CTNND1: variants seen among roughly 807,000 people sequenced by gnomAD.
CTNND1 encodes catenin delta-1.
In CTNND1, 16 loss-of-function variants were observed where a neutral mutation model predicts 112.1. The observed-to-expected ratio is 0.14, with a 90% CI of 0.10 to 0.22. The LOEUF (loss-of-function observed/expected upper bound fraction) is 0.22. Ranked by LOEUF, CTNND1 falls within the 10% of genes least tolerant of loss-of-function variation. CTNND1 has a pLI of 1.00. For synonymous variants in CTNND1, 420 were observed against 446.5 expected, an observed-to-expected ratio of 0.94 and a Z score of 0.75; for missense variants, 1,008 against 1,257.0, an observed-to-expected ratio of 0.80 and a Z score of 3.00.
At chr11:57,798,347 A>T (rs11229134) in intron 6 of CTNND1, among the ~76,000 whole-genome samples, 98 of 107,566 alleles carry the variant, frequency 9.1e-4, no homozygotes, top group Non-Finnish European at 8.3e-4. Flanking sequence ...ACTGTCTCAA[A>T]AAAAAAAAAA....
At chr11:57,794,313 C>A (rs528038934) in intron 4 of CTNND1, among the ~76,000 whole-genome samples, 1 of 152,260 alleles carries the variant, frequency 6.6e-6, no homozygotes, top group African/African-American at 2.4e-5. Flanking sequence ...TCCCCACTGC[C>A]ACCCCATTTG....
At chr11:57,799,104 CA>C (rs1485113354) in intron 6 of CTNND1, among the ~76,000 whole-genome samples, 4 of 152,158 alleles carry the variant, frequency 2.6e-5, no homozygotes, top group Admixed American at 2.6e-4. Context: ...GGGCTGGGCC[CA>C]GGGGTAGAGG....
chr11:57,776,276 G>A (rs921197865), intron 1 of CTNND1, among the ~76,000 whole-genome samples: 2 of 152,106 alleles, frequency 1.3e-5, no homozygotes, highest in Admixed American at 6.6e-5. Context: ...GAAACAGCTG[G>A]TGCCTTCATC....
intron 1 of CTNND1, among the ~76,000 whole-genome samples, chr11:57,779,562 G>GCTA (rs1333801546): frequency 6.6e-6 from 1 of 152,214 alleles, no homozygotes; most frequent in Non-Finnish European, 1.5e-5. Flanking sequence ...GAGGCAGATT[G>GCTA]CTAACATACC....
intron 1 of CTNND1, among the ~76,000 whole-genome samples, chr11:57,769,425 C>G (rs1952006931): frequency 6.6e-6 from 1 of 152,168 alleles, no homozygotes; most frequent in South Asian, 2.1e-4. Flanking sequence ...GCTGGGACTA[C>G]AGGCACACAC....
chr11:57,810,087 A>G (rs1361076546), intron 15 of CTNND1, 22 bp from the exon 16 acceptor site: 3 of 1,557,842 alleles, frequency 1.9e-6, no homozygotes, highest in Admixed American at 3.8e-5. Context: ...CAAATTCCGT[A>G]TGGTGTTACT....
intron 2 of CTNND1, 106 bp from the exon 3 acceptor site, chr11:57,791,279 C>T: frequency 2.1e-6 from 2 of 972,200 alleles, no homozygotes; most frequent in Non-Finnish European, 2.7e-6. Flanking sequence ...GCTTTCTGCA[C>T]TGCAGTAAAA....
At position 57,817,717 on chromosome 11, in the gene CTNND1, T is replaced by G. The variant is rs2064053910; in HGVS notation, c.*1409T>G. On this transcript the variant is annotated 3_prime_UTR_variant, in exon 21 of 21. Coordinates refer to ENST00000399050, the MANE Select transcript of CTNND1 (RefSeq NM_001085458.2). ...GGTGCCCAGAATTTACCATCATCTCTGAAGGAGTTACAGGGAAGTGGTCTC... is the reference window on the plus strand; with the variant it reads ...GGTGCCCAGAATTTACCATCATCTCGGAAGGAGTTACAGGGAAGTGGTCTC... 1 of 152,754 alleles carries G rather than the reference T, an allele frequency of 6.5e-6. No individual in the cohort carries two copies. The highest frequency in any genetic ancestry group is 3.4e-3 in the Middle Eastern group (1 of 294). The allele number at this position is 152,754 out of a possible 1,614,324, so 9.5% of individuals were successfully genotyped here.
At position 57,796,491 on chromosome 11, in the gene CTNND1, C is replaced by T; in HGVS notation, c.455C>T (p.Thr152Ile). Residue 152 changes from threonine (T) to isoleucine (I), a missense_variant, in exon 6 of 21, where the codon ACA (threonine) becomes ATA (isoleucine). By Grantham distance (89) the Thr-to-Ile change is moderately conservative (BLOSUM62 -1). This residue lies in a region of CTNND1 where 404 missense variants were observed against 457.9 expected (regional missense o/e 0.88). Coordinates refer to ENST00000399050, the MANE Select transcript of CTNND1 (RefSeq NM_001085458.2). ...GTAGTGAAGACTGTGACAACACGGACAGTACAGCCAGTCGCTATGGGACCA... is the reference window on the plus strand; with the variant it reads ...GTAGTGAAGACTGTGACAACACGGATAGTACAGCCAGTCGCTATGGGACCA... ...KKVVKTVTTRTVQPVAMGPDG... is the reference protein window; with the variant it reads ...KKVVKTVTTRIVQPVAMGPDG... 2 of 1,612,194 alleles carry T rather than the reference C, an allele frequency of 1.2e-6. No homozygotes were observed. The highest frequency in any genetic ancestry group is 1.7e-6 in the Non-Finnish European group (2 of 1,178,634).
intron 3 of CTNND1, among the ~76,000 whole-genome samples, chr11:57,792,429 G>GTGTGTGCGCGCGCACTCGCGCA (rs1491308492): frequency 6.6e-6 from 1 of 152,186 alleles, no homozygotes; most frequent in Non-Finnish European, 1.5e-5. Context: ...GTGTGTGTGC[G>GTGTGTGCGCGCGCACTCGCGCA]TGTGTGCGCG....
chr11:57,798,344 CAAAAAA>C (rs71061542), intron 6 of CTNND1, among the ~76,000 whole-genome samples: 1 of 105,754 alleles, frequency 9.5e-6, no homozygotes. Flanking sequence ...GAGACTGTCT[CAAAAAA>C]AAAAAAAAAA....
chr11:57,782,034 ATT>A (rs879409277), intron 1 of CTNND1, among the ~76,000 whole-genome samples: 4 of 145,610 alleles, frequency 2.7e-5, no homozygotes. Context: ...GGTGGAGGTG[ATT>A]TTTTTTTTTT....
chr11:57,781,211 A>G (rs1320533211), intron 1 of CTNND1, among the ~76,000 whole-genome samples: 6 of 152,188 alleles, frequency 3.9e-5, no homozygotes, highest in Non-Finnish European at 8.8e-5. Flanking sequence ...TGCTGGGATT[A>G]CAGGCGTGAG....
At chr11:57,785,384 A>C (rs1000990560) in intron 1 of CTNND1, among the ~76,000 whole-genome samples, 1 of 152,216 alleles carries the variant, frequency 6.6e-6, no homozygotes, top group Admixed American at 6.5e-5. Flanking sequence ...TACTTTGCCC[A>C]AAGTCATATA....
intron 5 of CTNND1, among the ~76,000 whole-genome samples, chr11:57,796,125 G>T (rs891754830): frequency 2.0e-5 from 3 of 152,106 alleles, no homozygotes; most frequent in African/African-American, 7.2e-5. Flanking sequence ...GGTGGGTCAC[G>T]CTTGTAATCC....
chr11:57,799,992 T>G (rs1388281297), intron 6 of CTNND1, among the ~76,000 whole-genome samples: 4 of 144,206 alleles, frequency 2.8e-5, no homozygotes, highest in Non-Finnish European at 6.1e-5. Flanking sequence ...TTTTTTTTTT[T>G]TTTTTTTTTT....
chr11:57,766,325 T>G (rs1951071638), intron 1 of CTNND1, among the ~76,000 whole-genome samples: 1 of 152,234 alleles, frequency 6.6e-6, no homozygotes, highest in African/African-American at 2.4e-5. Flanking sequence ...AACATCAGTG[T>G]TTCAAAGAAA....
chr11:57,810,030 T>C (rs949816841), intron 15 of CTNND1, 79 bp from the exon 16 acceptor site: 4 of 1,020,698 alleles, frequency 3.9e-6, no homozygotes, highest in Admixed American at 5.7e-5. Flanking sequence ...TATATTCTTA[T>C]GTTATTAGAG....
chr11:57,810,323 A>T, intron 16 of CTNND1, 100 bp downstream of exon 16: 1 of 875,244 alleles, frequency 1.1e-6, no homozygotes, highest in Non-Finnish European at 1.7e-6. Flanking sequence ...CATCATGCTA[A>T]ACCTATTTTT....
Sources: gnomAD v4.1 joint callset for allele counts (sites outside exome capture counted in the v4.1 genomes callset) on GRCh38, gnomAD v4.1.1 for gene constraint, gnomAD v4.1.1 regional missense constraint, MANE v1.5 for transcripts, NCBI Gene and HGNC (gene_info 2026-07-23, HGNC 2026-07-21) for gene names.